SLC24A2: variants seen among roughly 807,000 people sequenced by gnomAD.
SLC24A2 encodes solute carrier family 24 member 2.
A neutral mutation model predicts 62.0 loss-of-function variants in SLC24A2; 36 were observed. That is an observed-to-expected ratio of 0.58 (90% CI 0.44 to 0.77). SLC24A2 has a LOEUF of 0.77. Ranked by LOEUF, SLC24A2 falls within the 30% of genes least tolerant of loss-of-function variation. SLC24A2 has a pLI of 0.00. For synonymous variants in SLC24A2, 358 were observed against 294.0 expected, an observed-to-expected ratio of 1.22 and a Z score of -2.23; for missense variants, 846 against 817.9, an observed-to-expected ratio of 1.03 and a Z score of -0.42.
the SLC24A2 span, among the ~76,000 whole-genome samples, chr9:20,280,672 A>G: frequency 6.6e-6 from 1 of 152,334 alleles, no homozygotes; most frequent in South Asian, 2.1e-4. Context: ...AGACATGTCC[A>G]CATCCTAAAC....
chr9:19,565,921 G>A lies in SLC24A2; in HGVS notation c.1347+7430C>T, dbSNP rs1201860056. On this transcript the variant is annotated intron_variant, in intron 7 of 10. Coordinates refer to ENST00000341998, the MANE Select transcript of SLC24A2 (RefSeq NM_020344.4). ...AAAACTGGCTCGCTATATATAGAAAGCTGAAACTGGATCCCTTCCTTACAC... is the reference window on the plus strand; with the variant it reads ...AAAACTGGCTCGCTATATATAGAAAACTGAAACTGGATCCCTTCCTTACAC... 2.0e-5 allele frequency among the ~76,000 whole-genome samples: 3 copies of A among 150,238 alleles called. No homozygotes were observed. The East Asian group carries it at 5.8e-4, about 29-fold the overall frequency.
At chr9:19,951,802 A>G in the SLC24A2 span, among the ~76,000 whole-genome samples, 1 of 152,158 alleles carries the variant, frequency 6.6e-6, no homozygotes, top group East Asian at 1.9e-4. Flanking sequence ...CAAAATTGTC[A>G]TGATTATTCT....
intron 10 of SLC24A2, among the ~76,000 whole-genome samples, chr9:19,519,259 C>T (rs1253874415): frequency 6.6e-6 from 1 of 151,820 alleles, no homozygotes; most frequent in African/African-American, 2.4e-5. Context: ...ACTAAGAAAA[C>T]TTTGTGAAAT....
chr9:19,996,443 AAAG>A, the SLC24A2 span, among the ~76,000 whole-genome samples: 2 of 152,130 alleles, frequency 1.3e-5, no homozygotes, highest in East Asian at 3.9e-4. Flanking sequence ...TCTTGGCGTT[AAAG>A]AAGATCCATC....
Position 19,788,945 on chromosome 9 carries a change from T to G in SLC24A2, c.-214A>C. 1.0e-6 allele frequency: 1 copy of G among 985,086 alleles called. No homozygotes were observed. The highest frequency in any genetic ancestry group is 1.2e-6 in the Non-Finnish European group (1 of 829,662). The allele number at this position is 985,086 out of a possible 1,614,324, so 61.0% of individuals were successfully genotyped here. On this transcript the variant is annotated 5_prime_UTR_variant, in exon 1 of 11. Coordinates refer to ENST00000341998, the MANE Select transcript of SLC24A2 (RefSeq NM_020344.4). ...CCCCGAGCGCGGCCCGCCGCTCCAG[T>G]CCGCCGGCCCTCCGCCTACCCGCTC...
the SLC24A2 span, among the ~76,000 whole-genome samples, chr9:20,249,149 G>A: frequency 6.6e-6 from 1 of 152,162 alleles, no homozygotes. Flanking sequence ...AATTTTTCAT[G>A]GGATAAAAAC....
the SLC24A2 span, among the ~76,000 whole-genome samples, chr9:20,258,808 C>CT: frequency 2.1e-5 from 3 of 139,992 alleles, no homozygotes; most frequent in African/African-American, 5.2e-5. Flanking sequence ...ATCTATCTAT[C>CT]TATCTACCTT....
intron 2 of SLC24A2, among the ~76,000 whole-genome samples, chr9:19,659,316 T>A (rs1319913219): frequency 1.3e-5 from 2 of 152,190 alleles, no homozygotes; most frequent in East Asian, 3.9e-4. Flanking sequence ...TCCAGCACCT[T>A]GATTTCAGGC....
the SLC24A2 span, among the ~76,000 whole-genome samples, chr9:19,818,492 G>A: frequency 1.3e-5 from 2 of 152,062 alleles, no homozygotes; most frequent in Admixed American, 6.6e-5. Flanking sequence ...ATTGATAAAA[G>A]AATTCAGCAA....
chr9:20,223,038 A>G, the SLC24A2 span, among the ~76,000 whole-genome samples: 1 of 152,094 alleles, frequency 6.6e-6, no homozygotes, highest in Non-Finnish European at 1.5e-5. Flanking sequence ...CAAAGTTAAA[A>G]TCAAAAAGAA....
the SLC24A2 span, among the ~76,000 whole-genome samples, chr9:20,120,735 G>C: frequency 6.6e-6 from 1 of 152,034 alleles, no homozygotes; most frequent in African/African-American, 2.4e-5. Context: ...AAAAGCAGCA[G>C]CTTTGCCTAA....
the SLC24A2 span, among the ~76,000 whole-genome samples, chr9:19,838,378 G>A: frequency 2.6e-5 from 4 of 152,114 alleles, no homozygotes; most frequent in African/African-American, 9.6e-5. Flanking sequence ...GGAGAAAGCT[G>A]AAACTGGATC....
intron 2 of SLC24A2, among the ~76,000 whole-genome samples, chr9:19,657,155 G>T (rs1818964890): frequency 6.6e-6 from 1 of 152,192 alleles, no homozygotes; most frequent in Non-Finnish European, 1.5e-5. Context: ...TTTACATTCA[G>T]AACATGACAG....
chr9:20,076,786 G>A, the SLC24A2 span, among the ~76,000 whole-genome samples: 1 of 150,930 alleles, frequency 6.6e-6, no homozygotes, highest in Admixed American at 6.6e-5. Context: ...CTTGACTATT[G>A]TGAATATTGC....
the SLC24A2 span, among the ~76,000 whole-genome samples, chr9:20,280,905 G>C: frequency 6.6e-6 from 1 of 152,184 alleles, no homozygotes; most frequent in East Asian, 1.9e-4. Flanking sequence ...ACCAGAAGCA[G>C]GAGGAGACAA....
At chr9:20,046,654 CT>C in the SLC24A2 span, among the ~76,000 whole-genome samples, 13 of 152,184 alleles carry the variant, frequency 8.5e-5, no homozygotes, top group African/African-American at 3.1e-4. Context: ...CCTCTATAGT[CT>C]TCAGAATGAG....
the SLC24A2 span, among the ~76,000 whole-genome samples, chr9:20,084,275 G>T: frequency 6.6e-6 from 1 of 152,182 alleles, no homozygotes. Context: ...CGTACTTCAA[G>T]TGTAGTGGTG....
rs181602998 is a variant in SLC24A2 at position 19,610,148 on chromosome 9, T to C, written c.1078+9436A>G. Reference sequence around the variant, plus strand: ...GTCTAGTGCATGAATTTATTAAATATTGGTATTAGTAATACAACTGTTGTT... The same window carrying C: ...GTCTAGTGCATGAATTTATTAAATACTGGTATTAGTAATACAACTGTTGTT... On this transcript the variant is annotated intron_variant, in intron 4 of 10. Transcript: ENST00000341998. Among the ~76,000 whole-genome samples the C allele has an allele frequency of 1.4e-4, 21 of 152,324 alleles. No individual in the cohort carries two copies. The East Asian group carries it at 3.3e-3, about 24-fold the overall frequency.
At chr9:20,132,984 C>T in the SLC24A2 span, among the ~76,000 whole-genome samples, 1 of 152,064 alleles carries the variant, frequency 6.6e-6, no homozygotes, top group East Asian at 1.9e-4. Flanking sequence ...GGCTAGGCTG[C>T]AGTCCCCCAG....
Sources: allele counts gnomAD v4.1 joint callset (sites outside exome capture counted in the v4.1 genomes callset), GRCh38; gene constraint gnomAD v4.1.1; transcripts MANE v1.5; gene names NCBI Gene and HGNC (gene_info 2026-07-23, HGNC 2026-07-21).